Variants in EPHA4 observed in about 807,000 individuals in gnomAD.
The protein encoded by EPHA4 is EPH receptor A4.
Under a neutral mutation model 108.3 loss-of-function variants are expected in EPHA4, and 19 were observed. The observed-to-expected ratio is 0.18, with a 90% CI of 0.12 to 0.26. The LOEUF is 0.26. EPHA4 is among the 10% of genes least tolerant of loss of function. EPHA4 has a pLI of 1.00. For synonymous variants in EPHA4, 449 were observed against 455.5 expected (o/e 0.99, Z 0.18); for missense variants, 917 against 1,254.0 (o/e 0.73, Z 4.06).
At chr2:221,464,539 C>G (rs1442555067) in intron 5 of EPHA4, among the ~76,000 whole-genome samples, 6 of 152,190 alleles carry the variant, frequency 3.9e-5, no homozygotes. Context: ...CTAGGCAATA[C>G]CTATGGCATC....
intron 5 of EPHA4, among the ~76,000 whole-genome samples, chr2:221,469,360 A>G (rs905032703): frequency 4.6e-5 from 7 of 152,206 alleles, no homozygotes; most frequent in African/African-American, 1.7e-4. Context: ...TTCATAGCCA[A>G]TATCTAATCA....
chr2:221,504,451 A>G (rs1692572817), intron 3 of EPHA4, among the ~76,000 whole-genome samples: 1 of 152,100 alleles, frequency 6.6e-6, no homozygotes, highest in African/African-American at 2.4e-5. Context: ...GTAACGTAGT[A>G]TCTTCTGGAT....
chr2:221,489,677 A>G (rs186107376), intron 4 of EPHA4, among the ~76,000 whole-genome samples: 8 of 152,332 alleles, frequency 5.3e-5, no homozygotes, highest in Non-Finnish European at 7.3e-5. Context: ...CCATTAGAAC[A>G]TAAGCTCCAG....
At chr2:221,572,387 G>T, upstream of EPHA4, 1 of 678,226 alleles carries the variant, frequency 1.5e-6, no homozygotes, top group Admixed American at 2.8e-5. Context: ...CGGGGCCCGC[G>T]GCCAATGGCG....
rs1374168572 is a variant in EPHA4 at position 221,418,677 on chromosome 2, A to G, written c.*2695T>C. The G allele has an allele frequency of 6.6e-6, 1 of 152,408 alleles. No individual in the cohort carries two copies. The highest frequency in any genetic ancestry group is 2.4e-5 in the African/African-American group (1 of 41,448). 9.4% of individuals were successfully genotyped at this position (152,408 alleles called of 1,614,324 possible). ...AAAATAACTTGGGGCCTGCATACAC[A>G]AGGTGAAGCTACTTGATTTGGTGCA... On this transcript the variant is annotated 3_prime_UTR_variant, in exon 18 of 18. Coordinates refer to ENST00000281821, the MANE Select transcript of EPHA4 (RefSeq NM_004438.5).
chr2:221,535,767 A>T (rs1335559381), intron 3 of EPHA4, among the ~76,000 whole-genome samples: 1 of 152,230 alleles, frequency 6.6e-6, no homozygotes. Context: ...CTTCATATCA[A>T]GGGCACATTC....
chr2:221,478,823 G>T (rs1280674124), intron 5 of EPHA4, among the ~76,000 whole-genome samples: 1 of 152,298 alleles, frequency 6.6e-6, no homozygotes, highest in Admixed American at 6.5e-5. Flanking sequence ...GTAGCCAGCT[G>T]GGCTGCAAGT....
intron 3 of EPHA4, among the ~76,000 whole-genome samples, chr2:221,560,186 G>C (rs1273519052): frequency 7.9e-6 from 1 of 125,956 alleles, no homozygotes; most frequent in Non-Finnish European, 1.6e-5. Flanking sequence ...CTGACCTCCC[G>C]GACCCCAAGG....
intron 3 of EPHA4, among the ~76,000 whole-genome samples, chr2:221,551,748 T>C (rs1694167340): frequency 6.6e-6 from 1 of 152,132 alleles, no homozygotes; most frequent in Non-Finnish European, 1.5e-5. Context: ...GTCAGATCAT[T>C]TGAGACCATT....
At chr2:221,439,271 G>A (rs1690339452) in intron 11 of EPHA4, among the ~76,000 whole-genome samples, 1 of 150,706 alleles carries the variant, frequency 6.6e-6, no homozygotes. Context: ...AATACAAATA[G>A]GAAATGCTTA....
chr2:221,457,745 C>T (rs1368113520), intron 6 of EPHA4, 121 bp downstream of exon 6: 59 of 1,110,726 alleles, frequency 5.3e-5, no homozygotes, highest in South Asian at 1.1e-4. Context: ...GGGAAGGAGT[C>T]GAGGAAAGAA....
intron 3 of EPHA4, among the ~76,000 whole-genome samples, chr2:221,524,240 G>C (rs1047007676): frequency 6.6e-6 from 1 of 152,186 alleles, no homozygotes; most frequent in African/African-American, 2.4e-5. Flanking sequence ...CCACTTCTTA[G>C]CACCAGTATC....
intron 4 of EPHA4, among the ~76,000 whole-genome samples, chr2:221,499,993 G>A (rs1692442877): frequency 6.6e-6 from 1 of 151,660 alleles, no homozygotes; most frequent in Admixed American, 6.6e-5. Flanking sequence ...CTGACCTCAG[G>A]TGATCCGTCC....
intron 8 of EPHA4, among the ~76,000 whole-genome samples, chr2:221,450,787 G>T (rs748762123): frequency 4.6e-5 from 7 of 152,224 alleles, no homozygotes; most frequent in Admixed American, 1.3e-4. Context: ...TCATTAGAAG[G>T]TTCGTATAAA....
chr2:221,511,995 T>C (rs896921301), intron 3 of EPHA4, among the ~76,000 whole-genome samples: 1 of 152,166 alleles, frequency 6.6e-6, no homozygotes, highest in Non-Finnish European at 1.5e-5. Context: ...TTCCTTTTTT[T>C]CCCCTCATGC....
intron 2 of EPHA4, among the ~76,000 whole-genome samples, chr2:221,565,721 G>A (rs564439555): frequency 1.3e-5 from 2 of 152,258 alleles, no homozygotes; most frequent in African/African-American, 2.4e-5. Context: ...GGGGGTAAGT[G>A]CCCTGTGGTG....
chr2:221,561,566 G>A (rs542845535), intron 3 of EPHA4, among the ~76,000 whole-genome samples: 71 of 152,254 alleles, frequency 4.7e-4, no homozygotes, highest in African/African-American at 1.5e-3. Context: ...CAGCTTGCTC[G>A]GAAGTGGACT....
intron 5 of EPHA4, among the ~76,000 whole-genome samples, chr2:221,472,582 A>G (rs1691520838): frequency 6.6e-6 from 1 of 152,112 alleles, no homozygotes; most frequent in South Asian, 2.1e-4. Context: ...TTTTTAAAAA[A>G]CTTATCTGTC....
chr2:221,492,510 T>C lies in EPHA4; in HGVS notation c.979+8507A>G, dbSNP rs545653351. 4.5e-4 allele frequency among the ~76,000 whole-genome samples: 68 copies of C among 152,282 alleles called. 2 individuals are homozygous for C. The highest frequency in any genetic ancestry group is 1.5e-3 in the African/African-American group (64 of 41,558). On this transcript the variant is annotated intron_variant, in intron 4 of 17. Transcript: ENST00000281821. ...GTTGAAGCTCACCTGGTGATCTTTC[T>C]CCCTTTATCTTTAATTTTCTTCAAA... is the stretch of plus-strand genomic sequence containing the variant.
Sources: gnomAD v4.1 joint callset for allele counts (sites outside exome capture counted in the v4.1 genomes callset) on GRCh38, gnomAD v4.1.1 for gene constraint, MANE v1.5 for transcripts, NCBI Gene and HGNC (gene_info 2026-07-23, HGNC 2026-07-21) for gene names.